The following RIMS2 variants were observed in gnomAD, a reference collection of about 807,000 sequenced individuals.
RIMS2 encodes regulating synaptic membrane exocytosis protein 2.
Under a neutral mutation model 174.4 loss-of-function variants are expected in RIMS2, and 59 were observed. The ratio of observed to expected loss-of-function variants is 0.34; its 90% CI spans 0.27 to 0.42. The LOEUF is 0.42. Among genes scored for constraint, RIMS2 ranks in the 10% least tolerant of loss-of-function variants. The pLI is 1.00. For synonymous variants in RIMS2, 606 were observed against 572.5 expected (o/e 1.06, Z -0.84); for missense variants, 1,620 against 1,666.3 (o/e 0.97, Z 0.48).
At chr8:103,875,779 TCTGA>T (rs1426052864) in intron 3 of RIMS2, among the ~76,000 whole-genome samples, 2 of 152,056 alleles carry the variant, frequency 1.3e-5, no homozygotes, top group African/African-American at 2.4e-5. Flanking sequence ...TCTATTGTTT[TCTGA>T]CTGTTTAATA....
At chr8:103,662,737 G>T (rs2096619121) in intron 1 of RIMS2, among the ~76,000 whole-genome samples, 1 of 151,534 alleles carries the variant, frequency 6.6e-6, no homozygotes, top group South Asian at 2.1e-4. Context: ...TATAAATATA[G>T]TCATTCTCTA....
chr8:104,106,106 T>C (rs954126914), intron 19 of RIMS2, among the ~76,000 whole-genome samples: 6 of 135,944 alleles, frequency 4.4e-5, no homozygotes, highest in African/African-American at 1.6e-4. Context: ...AATGAAAAAA[T>C]TTAAGTAGAG....
chr8:103,514,685 T>A (rs1226798079), intron 1 of RIMS2, among the ~76,000 whole-genome samples: 2 of 152,286 alleles, frequency 1.3e-5, no homozygotes, highest in Middle Eastern at 3.4e-3. Flanking sequence ...GATTATCTTT[T>A]CAAATTCCTG....
chr8:104,156,212 A>G (rs2098722915), intron 19 of RIMS2, among the ~76,000 whole-genome samples: 1 of 152,210 alleles, frequency 6.6e-6, no homozygotes, highest in Admixed American at 6.5e-5. Flanking sequence ...CCTTTTCTGT[A>G]GTCATCCAGG....
At chr8:104,034,566 T>G (rs957551685) in intron 19 of RIMS2, among the ~76,000 whole-genome samples, 1 of 150,226 alleles carries the variant, frequency 6.7e-6, no homozygotes, top group Non-Finnish European at 1.5e-5. Flanking sequence ...CACCTCCTGG[T>G]TCAAGCGATT....
intron 19 of RIMS2, among the ~76,000 whole-genome samples, chr8:104,074,682 T>TA (rs1382504402): frequency 1.3e-5 from 2 of 152,064 alleles, no homozygotes; most frequent in African/African-American, 4.8e-5. Context: ...CTTAAGGGGA[T>TA]ATGAAGATTT....
chr8:103,809,448 C>T (rs2098672712), intron 3 of RIMS2, among the ~76,000 whole-genome samples: 1 of 151,922 alleles, frequency 6.6e-6, no homozygotes, highest in Non-Finnish European at 1.5e-5. Context: ...GGATGGTGTC[C>T]TCCCTACTTC....
At chr8:104,088,846 A>C (rs1337409254) in intron 19 of RIMS2, among the ~76,000 whole-genome samples, 1 of 151,964 alleles carries the variant, frequency 6.6e-6, no homozygotes, top group Non-Finnish European at 1.5e-5. Flanking sequence ...TCATTCTGAC[A>C]CTTCAATAAT....
At chr8:103,599,001 C>G (rs947780103) in intron 1 of RIMS2, among the ~76,000 whole-genome samples, 1 of 151,984 alleles carries the variant, frequency 6.6e-6, no homozygotes, top group Non-Finnish European at 1.5e-5. Flanking sequence ...TCTACTCCTA[C>G]TGCCCTCAAC....
chr8:104,252,542 GAATA>G (rs1268243729), downstream of RIMS2: 2 of 138,150 alleles, frequency 1.4e-5, no homozygotes, highest in Non-Finnish European at 3.1e-5. Flanking sequence ...AAAAAAAAAA[GAATA>G]AAAATCAGCC....
At chr8:104,130,237 A>T (rs569495579) in intron 19 of RIMS2, among the ~76,000 whole-genome samples, 1 of 152,302 alleles carries the variant, frequency 6.6e-6, no homozygotes, top group Admixed American at 6.5e-5. Context: ...ACTGTAATTG[A>T]TATCCAAAAA....
chr8:103,584,581 T>C (rs1120988), intron 1 of RIMS2, among the ~76,000 whole-genome samples: 116,861 of 152,074 alleles, frequency 0.77, 45,076 homozygotes, highest in East Asian at 0.88. Context: ...AAATTTAAAA[T>C]GGGGGAGGAT....
At chr8:104,143,744 TG>T (rs1365613744) in intron 19 of RIMS2, among the ~76,000 whole-genome samples, 1 of 152,230 alleles carries the variant, frequency 6.6e-6, no homozygotes, top group Non-Finnish European at 1.5e-5. Context: ...TATCCTTCAA[TG>T]TATTTTCTGT....
intron 2 of RIMS2, among the ~76,000 whole-genome samples, chr8:103,727,319 CT>C (rs1322549535): frequency 1.3e-5 from 2 of 152,120 alleles, no homozygotes; most frequent in Non-Finnish European, 2.9e-5. Context: ...AATATATTCA[CT>C]TATGAAACTA....
At chr8:103,568,822 C>T in intron 1 of RIMS2, 1 of 1,133,996 alleles carries the variant, frequency 8.8e-7, no homozygotes, top group Non-Finnish European at 1.3e-6. Flanking sequence ...AGAAGCTGAG[C>T]ATATTCTTCT....
chr8:103,876,826 GTA>G (rs149688617), intron 3 of RIMS2, among the ~76,000 whole-genome samples: 15,471 of 113,810 alleles, frequency 0.14, 1,408 homozygotes, highest in Non-Finnish European at 0.21. Flanking sequence ...GTGTATATAT[GTA>G]TATATATATG....
intron 6 of RIMS2, among the ~76,000 whole-genome samples, chr8:103,913,279 A>C (rs529927589): frequency 1.3e-5 from 2 of 151,856 alleles, no homozygotes; most frequent in East Asian, 3.9e-4. Context: ...CGCTCAGCCC[A>C]AAAAATTTTA....
At position 104,185,408 on chromosome 8, in the gene RIMS2, G is replaced by A. The variant is rs10100400; in HGVS notation, c.3335-59508G>A. Among the ~76,000 whole-genome samples the A allele has an allele frequency of 9.9e-3, 1,502 of 151,664 alleles. 21 individuals are homozygous for A. Among genetic ancestry groups the A allele is most frequent in the African/African-American group, 0.033 (1,357 of 41,452 alleles). Reference sequence around the variant, plus strand: ...GTATTATTTCCAAAGGGCCAAAAGTGTTCACCTTTTCTAGGTTTGCCTGGA... The same window carrying A: ...GTATTATTTCCAAAGGGCCAAAAGTATTCACCTTTTCTAGGTTTGCCTGGA... On this transcript the variant is annotated intron_variant, in intron 19 of 23. Transcript: ENST00000504942.
At chr8:103,549,091 C>T (rs1056004036) in intron 1 of RIMS2, among the ~76,000 whole-genome samples, 2 of 151,946 alleles carry the variant, frequency 1.3e-5, no homozygotes, top group Non-Finnish European at 2.9e-5. Flanking sequence ...TGGCCATACT[C>T]AACATTCGAA....
Sources: allele counts gnomAD v4.1 joint callset (sites outside exome capture counted in the v4.1 genomes callset), GRCh38; gene constraint gnomAD v4.1.1; transcripts MANE v1.5; gene names NCBI Gene and HGNC (gene_info 2026-07-23, HGNC 2026-07-21).